Variants in CMAS observed in about 807,000 individuals in gnomAD.
CMAS encodes the protein N-acylneuraminate cytidylyltransferase.
In CMAS, 21 loss-of-function variants were observed where a neutral mutation model predicts 53.4. The ratio of observed to expected loss-of-function variants is 0.39; its 90% CI spans 0.28 to 0.57. The LOEUF (loss-of-function observed/expected upper bound fraction) is 0.57. Ranked by LOEUF, CMAS falls within the 20% of genes least tolerant of loss-of-function variation. The probability of loss-of-function intolerance (pLI) is 0.56; values close to 1 mark genes in which losing one functional copy is unlikely to be tolerated. For missense variants in CMAS, 384 were observed against 534.9 expected, an observed-to-expected ratio of 0.72 and a Z score of 2.78; for synonymous variants, 189 against 195.2, an observed-to-expected ratio of 0.97 and a Z score of 0.27.
chr12:22,056,565 C>T (rs963045560), intron 3 of CMAS, among the ~76,000 whole-genome samples: 1 of 152,088 alleles, frequency 6.6e-6, no homozygotes, highest in African/African-American at 2.4e-5. Context: ...ACACTCACAC[C>T]CATACCCTAC....
chr12:22,060,847 T>C lies in CMAS; in HGVS notation c.709T>C (p.Tyr237His). ...MGYLQGGKMA[Y>H]YEMRAEHSVD... is the part of the protein sequence containing the mutation. ...CTACCTTTAGGGTGGAAAAATGGCA[T>C]ACTACGAAATGCGAGCTGAACATAG... The change falls in exon 5 of 8, where the codon TAC (tyrosine) becomes CAC (histidine). Residue 237 changes from tyrosine (Y) to histidine (H), a missense_variant. By Grantham distance (83) the Tyr-to-His change is moderately conservative. Transcript: ENST00000229329. 2 of 1,607,988 alleles carry C rather than the reference T, an allele frequency of 1.2e-6. No homozygotes were observed. Among genetic ancestry groups the C allele is most frequent in the Non-Finnish European group, 1.7e-6 (2 of 1,174,892 alleles).
chr12:22,059,056 C>T (rs1024874501), intron 4 of CMAS, among the ~76,000 whole-genome samples: 3 of 150,902 alleles, frequency 2.0e-5, no homozygotes, highest in African/African-American at 7.3e-5. Context: ...ACTTCTATTG[C>T]TTTAAAAAGA....
chr12:22,049,119 G>C (rs537249708), intron 1 of CMAS, among the ~76,000 whole-genome samples: 1 of 152,308 alleles, frequency 6.6e-6, no homozygotes, highest in East Asian at 1.9e-4. Flanking sequence ...CAGAAGGAGT[G>C]CTCTCCTCGA....
chr12:22,058,432 AAAAAAG>A (rs1950283651), intron 3 of CMAS, 129 bp from the exon 4 acceptor site: 2 of 797,978 alleles, frequency 2.5e-6, no homozygotes, highest in Non-Finnish European at 3.9e-6. Flanking sequence ...CTCAAAAAAA[AAAAAAG>A]AAAAGTTCTT....
chr12:22,057,921 G>A (rs1042822761), intron 3 of CMAS, among the ~76,000 whole-genome samples: 1 of 149,552 alleles, frequency 6.7e-6, no homozygotes, highest in East Asian at 2.0e-4. Context: ...TCCCCCCCCC[G>A]GGTTCAAGCG....
At chr12:22,059,614 A>C (rs1478051582) in intron 4 of CMAS, among the ~76,000 whole-genome samples, 1 of 152,226 alleles carries the variant, frequency 6.6e-6, no homozygotes, top group African/African-American at 2.4e-5. Flanking sequence ...TGGGACTATT[A>C]TTCTGAGCAA....
intron 4 of CMAS, among the ~76,000 whole-genome samples, chr12:22,059,648 ATCT>A (rs1424484079): frequency 1.3e-5 from 2 of 152,192 alleles, no homozygotes; most frequent in Non-Finnish European, 2.9e-5. Context: ...ATTTTTACAA[ATCT>A]TCTGGTCAAT....
At chr12:22,054,836 C>T (rs756931301) in intron 1 of CMAS, among the ~76,000 whole-genome samples, 38 of 152,026 alleles carry the variant, frequency 2.5e-4, no homozygotes, top group Non-Finnish European at 4.9e-4. Flanking sequence ...AGGTAGTAAG[C>T]ATAGTACCTG....
intron 1 of CMAS, among the ~76,000 whole-genome samples, chr12:22,052,922 TAAATG>T (rs911958863): frequency 2.0e-5 from 3 of 152,182 alleles, no homozygotes; most frequent in African/African-American, 7.2e-5. Context: ...ACGAAATAAA[TAAATG>T]AAATCCAGGG....
In CMAS at chr12:22,046,331, A is replaced by G. The variant is rs977836280; in HGVS notation, c.28A>G (p.Thr10Ala). 2 of 1,496,046 alleles carry G rather than the reference A, an allele frequency of 1.3e-6. No homozygotes were observed. Among genetic ancestry groups the G allele is most frequent in the African/African-American group, 2.9e-5 (2 of 69,438 alleles). 92.7% of individuals were successfully genotyped at this position (1,496,046 alleles called of 1,614,324 possible). The change falls in exon 1 of 8, where the codon ACC becomes GCC. Residue 10 changes from threonine (T) to alanine (A), a missense_variant. Transcript: ENST00000229329. ...GGACTCGGTGGAGAAGGGGGCCGCC[A>G]CCTCCGTCTCCAACCCGCGGGGGCG... MDSVEKGAA[T>A]SVSNPRGRPS...
intron 1 of CMAS, among the ~76,000 whole-genome samples, chr12:22,054,838 T>C (rs1950257607): frequency 6.6e-6 from 1 of 152,072 alleles, no homozygotes; most frequent in African/African-American, 2.4e-5. Context: ...GTAGTAAGCA[T>C]AGTACCTGAT....
chr12:22,052,067 C>A (rs1030779842), intron 1 of CMAS, among the ~76,000 whole-genome samples: 1 of 152,098 alleles, frequency 6.6e-6, no homozygotes, highest in African/African-American at 2.4e-5. Context: ...CCTTTTAATC[C>A]CTTACTGTTT....
chr12:22,064,813 TTAAA>T (rs1221352909), intron 7 of CMAS, among the ~76,000 whole-genome samples: 1 of 152,194 alleles, frequency 6.6e-6, no homozygotes, highest in African/African-American at 2.4e-5. Flanking sequence ...AATGAAAAAT[TTAAA>T]TAACTTACTT....
chr12:22,059,992 A>G (rs910028683), intron 4 of CMAS, among the ~76,000 whole-genome samples: 1 of 152,112 alleles, frequency 6.6e-6, no homozygotes, highest in Non-Finnish European at 1.5e-5. Flanking sequence ...TTGGATGACT[A>G]TTAGTCATTT....
At position 22,046,443 on chromosome 12, in the gene CMAS, C is replaced by G. The variant is rs1446319037; in HGVS notation, c.140C>G (p.Ala47Gly). The change falls in exon 1 of 8, where the codon GCC (alanine) becomes GGC (glycine). Residue 47 changes from alanine to glycine, a missense_variant. Ala to Gly is a moderately conservative substitution (Grantham distance 60). This residue lies in a region of CMAS where 111 missense variants were observed against 132.2 expected (regional missense o/e 0.84). Transcript: ENST00000229329. ...RGVEKPPHLA[A>G]LILARGGSKG... ...GTGGAGAAGCCCCCGCACCTGGCAG[C>G]CCTAATTCTGGCCCGGGGAGGCAGC... 1 of 1,609,754 alleles carries G rather than the reference C, an allele frequency of 6.2e-7. No homozygotes were observed. The highest frequency in any genetic ancestry group is 8.5e-7 in the Non-Finnish European group (1 of 1,178,604).
At chr12:22,060,967 T>G in intron 5 of CMAS, 41 bp downstream of exon 5, 1 of 1,154,302 alleles carries the variant, frequency 8.7e-7, no homozygotes, top group Non-Finnish European at 1.3e-6. Flanking sequence ...TACTAAATCT[T>G]AATAATTATA....
intron 1 of CMAS, among the ~76,000 whole-genome samples, chr12:22,051,056 G>A (rs1374141662): frequency 1.3e-5 from 2 of 152,072 alleles, no homozygotes; most frequent in Non-Finnish European, 2.9e-5. Flanking sequence ...TTCAGGGCTC[G>A]AAGATACCTT....
chr12:22,062,956 A>C (rs1262308753), intron 7 of CMAS, among the ~76,000 whole-genome samples: 1 of 152,206 alleles, frequency 6.6e-6, no homozygotes, highest in Non-Finnish European at 1.5e-5. Context: ...GAAAAATAGA[A>C]TATCCCTAAA....
chr12:22,063,453 C>T (rs1950322034), intron 7 of CMAS, among the ~76,000 whole-genome samples: 2 of 152,048 alleles, frequency 1.3e-5, no homozygotes. Flanking sequence ...GTTAAGCAAG[C>T]TTCTGTATAC....
Sources: allele counts gnomAD v4.1 joint callset (sites outside exome capture counted in the v4.1 genomes callset), GRCh38; gene constraint gnomAD v4.1.1; regional missense constraint gnomAD v4.1.1; transcripts MANE v1.5; gene names NCBI Gene and HGNC (gene_info 2026-07-23, HGNC 2026-07-21).